Variants in ENDOD1 observed in about 807,000 individuals in gnomAD.
ENDOD1 encodes endonuclease domain-containing 1 protein.
In ENDOD1, 9 loss-of-function variants were observed where a neutral mutation model predicts 6.5. That is an observed-to-expected ratio of 1.39 (90% confidence interval 0.84 to 2.43). The LOEUF (loss-of-function observed/expected upper bound fraction) is 2.43, where lower values mean the gene tolerates loss of function less well. Among genes scored for constraint, ENDOD1 ranks in the 30% most tolerant of loss-of-function variants. The probability of loss-of-function intolerance (pLI) is 0.00; values close to 1 mark genes in which losing one functional copy is unlikely to be tolerated. For missense variants in ENDOD1, 648 were observed against 635.5 expected (o/e 1.02, Z -0.21); for synonymous variants, 255 against 255.2 (o/e 1.00, Z 0.01).
At chr11:95,091,707 T>C (rs1858933206) in intron 1 of ENDOD1, among the ~76,000 whole-genome samples, 2 of 142,930 alleles carry the variant, frequency 1.4e-5, no homozygotes. Context: ...TCAGAACACA[T>C]TTAGTGACTC....
chr11:95,102,933 C>A (rs1414533698), intron 1 of ENDOD1, among the ~76,000 whole-genome samples: 4 of 152,292 alleles, frequency 2.6e-5, no homozygotes, highest in African/African-American at 9.6e-5. Context: ...GAGAGCGACT[C>A]ATAATTGAGT....
At chr11:95,113,206 C>T (rs1050822128) in intron 1 of ENDOD1, among the ~76,000 whole-genome samples, 2 of 151,966 alleles carry the variant, frequency 1.3e-5, no homozygotes, top group Non-Finnish European at 2.9e-5. Context: ...ATGGGGTATC[C>T]TTACTCTAAA....
At chr11:95,113,367 A>G (rs909475029) in intron 1 of ENDOD1, among the ~76,000 whole-genome samples, 2 of 152,206 alleles carry the variant, frequency 1.3e-5, no homozygotes, top group East Asian at 1.9e-4. Flanking sequence ...TTTTGTACCC[A>G]TTAACCGTCT....
chr11:95,099,462 T>C (rs1555110647), intron 1 of ENDOD1, among the ~76,000 whole-genome samples: 3 of 152,214 alleles, frequency 2.0e-5, no homozygotes, highest in Non-Finnish European at 4.4e-5. Context: ...GACTACACCC[T>C]CCAGAGCTCC....
intron 1 of ENDOD1, among the ~76,000 whole-genome samples, chr11:95,090,438 G>C (rs1353461479): frequency 6.7e-6 from 1 of 150,258 alleles, no homozygotes; most frequent in Non-Finnish European, 1.5e-5. Context: ...TAAGAGCCTG[G>C]CGATCTGCGA....
chr11:95,110,922 C>A (rs1555111865), intron 1 of ENDOD1, among the ~76,000 whole-genome samples: 2 of 152,124 alleles, frequency 1.3e-5, no homozygotes, highest in East Asian at 3.8e-4. Context: ...ACTCCCTTGT[C>A]CCTGTCATGT....
At chr11:95,103,413 A>AT (rs1859060722) in intron 1 of ENDOD1, among the ~76,000 whole-genome samples, 1 of 152,176 alleles carries the variant, frequency 6.6e-6, no homozygotes, top group Admixed American at 6.5e-5. Context: ...GCTGCTACTG[A>AT]TTTCATCAGT....
At chr11:95,104,988 TG>T (rs1273449371) in intron 1 of ENDOD1, among the ~76,000 whole-genome samples, 1 of 152,198 alleles carries the variant, frequency 6.6e-6, no homozygotes, top group Non-Finnish European at 1.5e-5. Context: ...GGCCCTTGGT[TG>T]TGACTGGCAT....
chr11:95,095,256 A>G (rs1337737372), intron 1 of ENDOD1, among the ~76,000 whole-genome samples: 2 of 152,250 alleles, frequency 1.3e-5, no homozygotes, highest in African/African-American at 2.4e-5. Flanking sequence ...TGGAGGGTGG[A>G]TTTGAGTGAT....
Position 95,090,198 on chromosome 11 carries a change from G to T in ENDOD1, c.271G>T (p.Ala91Ser). 7.1e-7 allele frequency: 1 copy of T among 1,415,402 alleles called. No homozygotes were observed. The allele number at this position is 1,415,402 out of a possible 1,614,324, so 87.7% of individuals were successfully genotyped here. Residue 91 changes from alanine to serine, a missense_variant, in exon 1 of 2, where the codon GCC becomes TCC. By Grantham distance (99) the Ala-to-Ser change is moderately conservative. Coordinates refer to ENST00000278505, the MANE Select transcript of ENDOD1 (RefSeq NM_015036.3). ...CGCCCCGCGCCCTGCGCCCGGCGGC[G>T]CCGAGCAGCGATGGCTGGTGGAGCC... ...FRAPRPAPGG[A>S]EQRWLVEPQI...
chr11:95,090,708 G>T (rs1565442242), intron 1 of ENDOD1, among the ~76,000 whole-genome samples: 2 of 152,144 alleles, frequency 1.3e-5, no homozygotes, highest in African/African-American at 2.4e-5. Context: ...TAAACCCAGG[G>T]GGTGAAGAGA....
intron 1 of ENDOD1, among the ~76,000 whole-genome samples, chr11:95,121,783 C>G (rs1310635880): frequency 6.6e-6 from 1 of 152,028 alleles, no homozygotes; most frequent in Non-Finnish European, 1.5e-5. Flanking sequence ...GCTAGTAGAG[C>G]GAAGACAGCT....
At position 95,091,488 on chromosome 11, in the gene ENDOD1, C is replaced by T. The variant is rs538656991; in HGVS notation, c.300+1261C>T. On this transcript the variant is annotated intron_variant, in intron 1 of 1. Transcript: ENST00000278505. ...GACGTTGTCAGTTGCACACACAAGACACATTTAAATCCAAAATTAGTTTTC... is the reference window on the plus strand; with the variant it reads ...GACGTTGTCAGTTGCACACACAAGATACATTTAAATCCAAAATTAGTTTTC... 2.0e-5 allele frequency among the ~76,000 whole-genome samples: 3 copies of T among 152,330 alleles called. No individual in the cohort carries two copies. The East Asian group carries it at 5.8e-4, about 29-fold the overall frequency.
intron 1 of ENDOD1, among the ~76,000 whole-genome samples, chr11:95,106,740 T>G (rs1371921505): frequency 1.3e-5 from 2 of 152,066 alleles, no homozygotes; most frequent in Non-Finnish European, 2.9e-5. Flanking sequence ...TCTCTCAATA[T>G]CACGGGAATA....
At position 95,128,507 on chromosome 11, in the gene ENDOD1, T is replaced by C. The variant is rs759006140; in HGVS notation, c.431T>C (p.Leu144Pro). ...GATTCTGATTACCAAAGAGGACAGC[T>C]TTACCCATTCTCCCTTAGCAGTGAT... ...YLDSDYQRGQ[L>P]YPFSLSSDVQ... is the part of the protein sequence containing the mutation. Residue 144 changes from leucine (L) to proline (P), a missense_variant, in exon 2 of 2, where the codon CTT (leucine) becomes CCT (proline). Transcript: ENST00000278505. 1 of 1,614,108 alleles carries C rather than the reference T, an allele frequency of 6.2e-7. No homozygotes were observed. Among genetic ancestry groups the C allele is most frequent in the Non-Finnish European group, 8.5e-7 (1 of 1,180,042 alleles).
rs763310138 is a variant in ENDOD1 at position 95,129,144 on chromosome 11, C to T, written c.1068C>T (p.Asn356=). The change falls in exon 2 of 2, where the codon AAC becomes AAT. Residue 356 remains asparagine (N), a synonymous_variant. Transcript: ENST00000278505. ...ACCTTGTGGTAGCAATCCTGAAGAA[C>T]ATTGTCTATTTCCTGTGGTGTGTTA... ...IYYLVVAILK[N]IVYFLWCVTK... is the part of the protein sequence containing the mutation. 8.7e-6 allele frequency: 14 copies of T among 1,614,110 alleles called. No individual in the cohort carries two copies. In the South Asian group the frequency reaches 1.4e-4, roughly 16 times the overall value.
chr11:95,105,766 T>G (rs1859083540), intron 1 of ENDOD1, among the ~76,000 whole-genome samples: 1 of 152,226 alleles, frequency 6.6e-6, no homozygotes, highest in South Asian at 2.1e-4. Flanking sequence ...CTTTTTAATT[T>G]GCATTATTTT....
rs534379399 is a variant in ENDOD1, at chr11:95,099,962, C to A, written c.300+9735C>A. 2.0e-5 allele frequency among the ~76,000 whole-genome samples: 3 copies of A among 152,318 alleles called. No individual in the cohort carries two copies. The South Asian group carries it at 6.2e-4, about 32-fold the overall frequency. On this transcript the variant is annotated intron_variant, in intron 1 of 1. Transcript: ENST00000278505. ...CGGTTGATGTTTCTGAAAGATTGGG[C>A]ATCCACTATGTTCTCGGGACACGCA...
At chr11:95,126,894 C>T (rs559554141) in intron 1 of ENDOD1, among the ~76,000 whole-genome samples, 4 of 152,232 alleles carry the variant, frequency 2.6e-5, no homozygotes, top group Admixed American at 2.6e-4. Flanking sequence ...CCATGTTGCC[C>T]AGGCTGGTCT....
Sources: gnomAD v4.1 joint callset for allele counts (sites outside exome capture counted in the v4.1 genomes callset) on GRCh38, gnomAD v4.1.1 for gene constraint, MANE v1.5 for transcripts, NCBI Gene and HGNC (gene_info 2026-07-23, HGNC 2026-07-21) for gene names.